The following KCNC1 variants were observed in gnomAD, a reference collection of about 807,000 sequenced individuals.
KCNC1 encodes potassium voltage-gated channel subfamily C member 1.
In KCNC1, 8 loss-of-function variants were observed where a neutral mutation model predicts 43.4. The ratio of observed to expected loss-of-function variants is 0.18; its 90% CI spans 0.11 to 0.33. The LOEUF (loss-of-function observed/expected upper bound fraction) is 0.33. KCNC1 is among the 10% of genes least tolerant of loss of function. The probability of loss-of-function intolerance (pLI) is 1.00; values close to 1 mark genes in which losing one functional copy is unlikely to be tolerated. For synonymous variants in KCNC1, 361 were observed against 360.5 expected (o/e 1.00, Z -0.01); for missense variants, 420 against 836.0 (o/e 0.50, Z 6.14).
intron 1 of KCNC1, among the ~76,000 whole-genome samples, chr11:17,743,840 T>C (rs757517): frequency 0.64 from 97,748 of 152,064 alleles, 32,111 homozygotes; most frequent in East Asian, 0.94. Context: ...ATCCATCCCT[T>C]AAGGTTCCTC....
chr11:17,745,792 C>G (rs1168886426), intron 1 of KCNC1, among the ~76,000 whole-genome samples: 1 of 152,202 alleles, frequency 6.6e-6, no homozygotes, highest in African/African-American at 2.4e-5. Context: ...TCTCACACCC[C>G]CTCCAGGTCT....
intron 1 of KCNC1, among the ~76,000 whole-genome samples, chr11:17,745,603 A>G (rs2133783189): frequency 1.3e-5 from 2 of 152,196 alleles, no homozygotes; most frequent in Non-Finnish European, 2.9e-5. Context: ...GGGCTTCCTC[A>G]GAGGATGCAG....
intron 1 of KCNC1, among the ~76,000 whole-genome samples, chr11:17,741,970 G>T (rs887973397): frequency 6.6e-6 from 1 of 152,222 alleles, no homozygotes; most frequent in Non-Finnish European, 1.5e-5. Context: ...TGGGAGAGAA[G>T]CTCTCTGATT....
At position 17,736,739 on chromosome 11, in the gene KCNC1, G is replaced by A. The variant is rs1412611075; in HGVS notation, c.570+167G>A. ...GGGTAAGAGAGGAAGGGTGTCCGCC[G>A]GGGTTCTGGTTTTCTATGTATGTCA... On this transcript the variant is annotated intron_variant, in intron 1 of 3. Transcript: ENST00000265969. The surrounding 1 kb of genome is among the most constrained non-coding windows in gnomAD (Gnocchi z 9.3). Among the ~76,000 whole-genome samples, 1 of 152,186 alleles carries A rather than the reference G, an allele frequency of 6.6e-6. No homozygotes were observed. The highest frequency in any genetic ancestry group is 2.4e-5 in the African/African-American group (1 of 41,444).
chr11:17,739,861 CTGTG>C lies in KCNC1; in HGVS notation c.570+3293_570+3296del, dbSNP rs1029529026. On this transcript the variant is annotated intron_variant, in intron 1 of 3. Coordinates refer to ENST00000265969, the MANE Select transcript of KCNC1 (RefSeq NM_001112741.2). The surrounding 1 kb of genome is among the most constrained non-coding windows in gnomAD (Gnocchi z 4.2). ...GAGAACCCACGTGTGTGTCAGTGTG[CTGTG>C]TGTATGTGAGAGAGAGGTCCTGTGC... Among the ~76,000 whole-genome samples the C allele has an allele frequency of 5.9e-5, 9 of 151,828 alleles. No individual in the cohort carries two copies. The East Asian group carries it at 1.2e-3, about 20-fold the overall frequency.
rs1848856424 is a variant in KCNC1 at position 17,742,713 on chromosome 11, A to T, written c.570+6141A>T. On this transcript the variant is annotated intron_variant, in intron 1 of 3. Transcript: ENST00000265969. This position sits in a 1 kb window ranked among gnomAD's most constrained non-coding sequence, Gnocchi z 4.2. ...CAGGCTACCTCTAGTCAATATTTTC[A>T]TTCAGTGAAAATAAACAGGCTCAGA... Among the ~76,000 whole-genome samples, 1 of 152,172 alleles carries T rather than the reference A, an allele frequency of 6.6e-6. No homozygotes were observed. The highest frequency in any genetic ancestry group is 6.5e-5 in the Admixed American group (1 of 15,282).
At position 17,781,588 on chromosome 11, in the gene KCNC1, T is replaced by C; in HGVS notation, c.1694-82T>C. 1 of 989,036 alleles carries C rather than the reference T, an allele frequency of 1.0e-6. No homozygotes were observed. Among genetic ancestry groups the C allele is most frequent in the Non-Finnish European group, 1.6e-6 (1 of 641,944 alleles). 61.3% of individuals were successfully genotyped at this position (989,036 alleles called of 1,614,324 possible). A position where few individuals can be genotyped will look rare whatever the true frequency, so the allele number is the denominator to read the frequency against. On this transcript the variant is annotated intron_variant, in intron 3 of 3. Transcript: ENST00000265969. This position sits in a 1 kb window ranked among gnomAD's most constrained non-coding sequence, Gnocchi z 5.1. The stretch of plus-strand genomic sequence containing the variant: ...CATGCGGCTGTTCTGTCTTTCCTCC[T>C]CCTTCTTAAAAACTAAGTACCAAGC...
At chr11:17,772,977 G>A in intron 2 of KCNC1, 1 of 1,102,672 alleles carries the variant, frequency 9.1e-7, no homozygotes, top group Non-Finnish European at 1.1e-6. Flanking sequence ...TTGGGACAGA[G>A]TGGGGGCGGG....
chr11:17,746,247 A>C (rs1273135731), intron 1 of KCNC1, among the ~76,000 whole-genome samples: 1 of 152,146 alleles, frequency 6.6e-6, no homozygotes, highest in Non-Finnish European at 1.5e-5. Context: ...ACCCCAATCC[A>C]GGCAGGGGCC....
intron 1 of KCNC1, among the ~76,000 whole-genome samples, chr11:17,762,782 C>A (rs903838359): frequency 6.6e-6 from 1 of 152,144 alleles, no homozygotes; most frequent in African/African-American, 2.4e-5. Context: ...GTGCTCTGCA[C>A]CCCTGGGCCA....
At chr11:17,746,286 G>A (rs1000307651) in intron 1 of KCNC1, among the ~76,000 whole-genome samples, 3 of 152,220 alleles carry the variant, frequency 2.0e-5, no homozygotes, top group Non-Finnish European at 4.4e-5. Context: ...CCCAGGCCCA[G>A]ATGAAGCTCT....
rs1848772644 is a variant in KCNC1 at position 17,736,753 on chromosome 11, C to G, written c.570+181C>G. On this transcript the variant is annotated intron_variant, in intron 1 of 3. Transcript: ENST00000265969. This position sits in a 1 kb window ranked among gnomAD's most constrained non-coding sequence, Gnocchi z 9.3. ...GGGTGTCCGCCGGGGTTCTGGTTTT[C>G]TATGTATGTCAGTCTGTGTGTTGCC... Among the ~76,000 whole-genome samples, 1 of 152,146 alleles carries G rather than the reference C, an allele frequency of 6.6e-6. No individual in the cohort carries two copies. Among genetic ancestry groups the G allele is most frequent in the Non-Finnish European group, 1.5e-5 (1 of 68,028 alleles).
intron 1 of KCNC1, among the ~76,000 whole-genome samples, chr11:17,740,472 G>A (rs1848825521): frequency 6.6e-6 from 1 of 152,206 alleles, no homozygotes; most frequent in South Asian, 2.1e-4. Context: ...AGAGCAGGCA[G>A]GGGAGTGTTG....
intron 1 of KCNC1, among the ~76,000 whole-genome samples, chr11:17,737,180 C>G (rs1848777690): frequency 2.6e-5 from 4 of 152,118 alleles, no homozygotes; most frequent in Admixed American, 2.6e-4. Flanking sequence ...CATGGCTAAT[C>G]TCGGTGGCTT....
chr11:17,768,801 G>A (rs1279815869), intron 1 of KCNC1, among the ~76,000 whole-genome samples: 11 of 152,206 alleles, frequency 7.2e-5, no homozygotes, highest in Admixed American at 2.6e-4. Flanking sequence ...GGGTGCAGCT[G>A]GGGGGCCTGC....
At chr11:17,757,053 T>G (rs1849030725) in intron 1 of KCNC1, among the ~76,000 whole-genome samples, 1 of 152,232 alleles carries the variant, frequency 6.6e-6, no homozygotes, top group South Asian at 2.1e-4. Context: ...TCGGAGAGGC[T>G]TTTAAAGATA....
At chr11:17,772,979 G>A in intron 2 of KCNC1, 4 of 1,101,680 alleles carry the variant, frequency 3.6e-6, no homozygotes, top group Non-Finnish European at 4.4e-6. Flanking sequence ...GGGACAGAGT[G>A]GGGGCGGGTG....
intron 1 of KCNC1, among the ~76,000 whole-genome samples, chr11:17,760,664 G>T (rs537040532): frequency 6.6e-6 from 1 of 152,288 alleles, no homozygotes; most frequent in South Asian, 2.1e-4. Flanking sequence ...GGCTACAAGG[G>T]CACCTCCATG....
chr11:17,779,168 A>C lies in KCNC1; in HGVS notation c.1505-288A>C. The C allele has an allele frequency of 3.2e-6, 1 of 312,084 alleles. No homozygotes were observed. Among genetic ancestry groups the C allele is most frequent in the Non-Finnish European group, 5.9e-6 (1 of 170,688 alleles). The allele number at this position is 312,084 out of a possible 1,614,324, so 19.3% of individuals were successfully genotyped here. A position where few individuals can be genotyped will look rare whatever the true frequency, so the allele number is the denominator to read the frequency against. On this transcript the variant is annotated intron_variant, in intron 2 of 3. Coordinates refer to ENST00000265969, the MANE Select transcript of KCNC1 (RefSeq NM_001112741.2). The surrounding 1 kb of genome is among the most constrained non-coding windows in gnomAD (Gnocchi z 7.2). Reference sequence around the variant, plus strand: ...TGCTTGGGGCCCGGGGCCGGCCCCCAGCACCACACCTGCTGGATCCATCAC... The same window carrying C: ...TGCTTGGGGCCCGGGGCCGGCCCCCCGCACCACACCTGCTGGATCCATCAC...
Sources: gnomAD v4.1 joint callset for allele counts (sites outside exome capture counted in the v4.1 genomes callset) on GRCh38, gnomAD v4.1.1 for gene constraint, Gnocchi (gnomAD v3.1) non-coding constraint, MANE v1.5 for transcripts, NCBI Gene and HGNC (gene_info 2026-07-23, HGNC 2026-07-21) for gene names.